PRDM9: variants seen among roughly 807,000 people sequenced by gnomAD.
PRDM9 encodes the protein histone-lysine N-methyltransferase PRDM9.
Under a neutral mutation model 55.6 loss-of-function variants are expected in PRDM9, and 47 were observed. The observed-to-expected ratio is 0.85, with a 90% CI of 0.67 to 1.08. The LOEUF (loss-of-function observed/expected upper bound fraction) is 1.08. Ranked by LOEUF, PRDM9 falls within the 50% of genes least tolerant of loss-of-function variation. The pLI, the probability that PRDM9 is intolerant of heterozygous loss-of-function variation, is 0.00. For missense variants in PRDM9, 867 were observed against 1,040.3 expected (o/e 0.83, Z 2.29); for synonymous variants, 312 against 375.7 (o/e 0.83, Z 1.96).
chr5:23,519,667 A>G (rs1199509741), intron 5 of PRDM9, among the ~76,000 whole-genome samples: 1 of 152,062 alleles, frequency 6.6e-6, no homozygotes, highest in African/African-American at 2.4e-5. Context: ...GGTGAGAAAA[A>G]TTATTAATCT....
intron 10 of PRDM9, among the ~76,000 whole-genome samples, chr5:23,525,047 T>C (rs531398983): frequency 6.6e-6 from 1 of 152,224 alleles, no homozygotes; most frequent in Non-Finnish European, 1.5e-5. Context: ...GACATATGTG[T>C]AATATCAGAC....
At chr5:23,524,936 A>C (rs1423648805) in intron 10 of PRDM9, among the ~76,000 whole-genome samples, 1 of 152,240 alleles carries the variant, frequency 6.6e-6, no homozygotes, top group African/African-American at 2.4e-5. Flanking sequence ...ATTCCTACTC[A>C]GTGCCAGACC....
At chr5:23,520,187 A>T (rs1739301453) in intron 5 of PRDM9, among the ~76,000 whole-genome samples, 1 of 151,862 alleles carries the variant, frequency 6.6e-6, no homozygotes, top group East Asian at 2.0e-4. Context: ...CAACCTAGTG[A>T]AACCCCGTCT....
intron 5 of PRDM9, among the ~76,000 whole-genome samples, 175 bp from the exon 6 acceptor site, chr5:23,520,848 G>A (rs1192044910): frequency 6.6e-6 from 1 of 152,190 alleles, no homozygotes; most frequent in African/African-American, 2.4e-5. Context: ...ACATGGGTTA[G>A]AGTCCCAGAT....
Position 23,521,147 on chromosome 5 carries a change from G to A in PRDM9, c.476G>A (p.Ser159Asn), listed in dbSNP as rs774090351. Residue 159 changes from serine to asparagine, a missense_variant, in exon 6 of 11, where the codon AGT (serine) becomes AAT (asparagine). Transcript: ENST00000296682. ...CCAGTGTCCCCTTCTGGAGAAGCAA[G>A]TACCTCTGGACAGCACTCAAGACTA... ...QKPVSPSGEA[S>N]TSGQHSRLKL... 2.8e-5 allele frequency: 45 copies of A among 1,613,622 alleles called. 1 individual carries two copies. In the South Asian group the frequency reaches 4.5e-4, roughly 16 times the overall value.
In PRDM9 at chr5:23,508,797, A is replaced by T. The variant is rs144673883; in HGVS notation, c.-84-153A>T. On this transcript the variant is annotated intron_variant, in intron 1 of 10. Transcript: ENST00000296682. ...TGGCCAGTGGAGGCCTTCCCATCCCATCAGTACCCTCAAATCTCCCTGGGG... is the reference window on the plus strand; with the variant it reads ...TGGCCAGTGGAGGCCTTCCCATCCCTTCAGTACCCTCAAATCTCCCTGGGG... Among the ~76,000 whole-genome samples the T allele has an allele frequency of 1.1e-3, 168 of 152,188 alleles. 2 individuals are homozygous for T. In the East Asian group the frequency reaches 0.031, roughly 28 times the overall value.
intron 3 of PRDM9, 133 bp from the exon 4 acceptor site, chr5:23,509,787 C>A: frequency 7.4e-7 from 1 of 1,342,522 alleles, no homozygotes; most frequent in South Asian, 1.2e-5. Flanking sequence ...GAGGTCACAT[C>A]TTGACCTTGT....
intron 4 of PRDM9, among the ~76,000 whole-genome samples, chr5:23,511,040 C>G (rs993303152): frequency 6.6e-6 from 1 of 150,434 alleles, no homozygotes; most frequent in Non-Finnish European, 1.5e-5. Context: ...CCTATAACCC[C>G]AGCTACTCAG....
In PRDM9 at chr5:23,522,284, T is replaced by C; in HGVS notation, c.509-20T>C. ...CACCCCAGATTCCCAATTTTACCCG[T>C]CTACTCTTCTCCAACCTAGAACTCA... is the stretch of plus-strand genomic sequence containing the variant. On this transcript the variant is annotated intron_variant, in intron 6 of 10. Coordinates refer to ENST00000296682, the MANE Select transcript of PRDM9 (RefSeq NM_020227.4). 1 of 1,584,808 alleles carries C rather than the reference T, an allele frequency of 6.3e-7. No individual in the cohort carries two copies. Among genetic ancestry groups the C allele is most frequent in the Non-Finnish European group, 8.7e-7 (1 of 1,153,412 alleles).
At position 23,509,584 on chromosome 5, in the gene PRDM9, A is replaced by T; in HGVS notation, c.184A>T (p.Ile62Phe). Residue 62 changes from isoleucine (I) to phenylalanine (F), a missense_variant, in exon 3 of 11, where the codon ATT becomes TTT. Physicochemically the swap from Ile to Phe is conservative, Grantham distance 21. This residue lies in a region of PRDM9 where 662 missense variants were observed against 711.9 expected (regional missense o/e 0.93). Coordinates refer to ENST00000296682, the MANE Select transcript of PRDM9 (RefSeq NM_020227.4). Reference sequence around the variant, plus strand: ...TGTGAAAAGGAACTATAATGCACTGATTACTATAGGTAACAGGAAGTGCTG... The same window carrying T: ...TGTGAAAAGGAACTATAATGCACTGTTTACTATAGGTAACAGGAAGTGCTG... ...RNVKRNYNAL[I>F]TIGLRATRPA... is the part of the protein sequence containing the mutation. 1 of 1,614,180 alleles carries T rather than the reference A, an allele frequency of 6.2e-7. No homozygotes were observed. Among genetic ancestry groups the T allele is most frequent in the Admixed American group, 1.7e-5 (1 of 60,020 alleles).
At chr5:23,516,293 A>G (rs1441316863) in intron 4 of PRDM9, among the ~76,000 whole-genome samples, 3 of 152,000 alleles carry the variant, frequency 2.0e-5, no homozygotes, top group Non-Finnish European at 4.4e-5. Context: ...TATTTTTCTT[A>G]ATTTCCTTTG....
At chr5:23,523,746 C>T (rs558858247) in intron 9 of PRDM9, among the ~76,000 whole-genome samples, 1 of 152,232 alleles carries the variant, frequency 6.6e-6, no homozygotes, top group African/African-American at 2.4e-5. Context: ...CAGCCCCTTT[C>T]CACAATGGGC....
chr5:23,516,275 G>A (rs1287617663), intron 4 of PRDM9, among the ~76,000 whole-genome samples: 1 of 152,048 alleles, frequency 6.6e-6, no homozygotes, highest in Non-Finnish European at 1.5e-5. Flanking sequence ...ATGCTATTGT[G>A]GTTGGGATAT....
upstream of PRDM9, chr5:23,507,364 G>A (rs991229012): frequency 4.6e-5 from 7 of 152,322 alleles, no homozygotes; most frequent in African/African-American, 1.4e-4. Flanking sequence ...GCGCGCCGGA[G>A]GGTTACACGC....
intron 9 of PRDM9, 118 bp from the exon 10 acceptor site, chr5:23,524,216 G>C (rs1047095984): frequency 7.6e-7 from 1 of 1,320,836 alleles, no homozygotes; most frequent in South Asian, 1.2e-5. Flanking sequence ...GAGGAGTGGT[G>C]GGGGAGTGGT....
At chr5:23,525,547 C>G (rs1425001508) in intron 10 of PRDM9, among the ~76,000 whole-genome samples, 2 of 152,104 alleles carry the variant, frequency 1.3e-5, no homozygotes, top group Middle Eastern at 3.2e-3. Flanking sequence ...GTAGCAGGAC[C>G]CAGAGTCCTT....
upstream of PRDM9, chr5:23,507,314 T>C (rs903401223): frequency 2.6e-5 from 4 of 152,020 alleles, no homozygotes; most frequent in Non-Finnish European, 4.4e-5. Flanking sequence ...AACACCGGAG[T>C]TGGGGAAAAC....
chr5:23,518,263 A>G (rs1739255035), intron 5 of PRDM9, among the ~76,000 whole-genome samples: 1 of 152,230 alleles, frequency 6.6e-6, no homozygotes, highest in Admixed American at 6.5e-5. Context: ...ACTGAGGTAT[A>G]AAAATGTTCA....
rs762468597 is a variant in PRDM9 at position 23,526,797 on chromosome 5, A to T, written c.1709A>T (p.His570Leu). 1.9e-6 allele frequency: 3 copies of T among 1,587,436 alleles called. No individual in the cohort carries two copies. In the East Asian group the frequency reaches 7.1e-5, roughly 38 times the overall value. The change falls in exon 11 of 11, where the codon CAC becomes CTC. Residue 570 changes from histidine to leucine, a missense_variant. By Grantham distance (99) the His-to-Leu change is moderately conservative (BLOSUM62 -3). Coordinates refer to ENST00000296682, the MANE Select transcript of PRDM9 (RefSeq NM_020227.4). Reference protein sequence around the residue: ...GFSWKSHLLIHQRIHTGEKPY... With the variant: ...GFSWKSHLLILQRIHTGEKPY... ...AGCTGGAAGTCACACCTCCTCATTC[A>T]CCAGAGGATACACACAGGGGAGAAG...
Sources: gnomAD v4.1 joint callset for allele counts (sites outside exome capture counted in the v4.1 genomes callset) on GRCh38, gnomAD v4.1.1 for gene constraint, gnomAD v4.1.1 regional missense constraint, MANE v1.5 for transcripts, NCBI Gene and HGNC (gene_info 2026-07-23, HGNC 2026-07-21) for gene names.